The following RASSF8 variants were observed in gnomAD, a reference collection of about 807,000 sequenced individuals.
The protein encoded by RASSF8 is ras association domain-containing protein 8.
Under a neutral mutation model 48.5 loss-of-function variants are expected in RASSF8, and 22 were observed. The observed-to-expected ratio is 0.45, with a 90% CI of 0.32 to 0.65. The LOEUF (loss-of-function observed/expected upper bound fraction) is 0.65, where lower values mean the gene tolerates loss of function less well. RASSF8 is among the 30% of genes least tolerant of loss of function. RASSF8 has a pLI of 0.03. For synonymous variants in RASSF8, 127 were observed against 171.5 expected (o/e 0.74, Z 2.03); for missense variants, 418 against 489.2 (o/e 0.85, Z 1.37).
intron 1 of RASSF8, among the ~76,000 whole-genome samples, chr12:25,984,840 A>G (rs1229983947): frequency 2.0e-5 from 3 of 152,212 alleles, no homozygotes; most frequent in Non-Finnish European, 4.4e-5. Context: ...TTGCCTGTTC[A>G]ACATTTAGTA....
chr12:25,961,091 GACTT>G (rs1941222749), intron 1 of RASSF8, among the ~76,000 whole-genome samples: 1 of 152,124 alleles, frequency 6.6e-6, no homozygotes, highest in Non-Finnish European at 1.5e-5. Context: ...TATACGTGGT[GACTT>G]ACGTCAGTTT....
chr12:26,025,470 G>A (rs1942887917), intron 2 of RASSF8, among the ~76,000 whole-genome samples: 1 of 151,604 alleles, frequency 6.6e-6, no homozygotes, highest in South Asian at 2.1e-4. Context: ...GCTGAGGCAG[G>A]AGAATGGCGT....
At chr12:26,044,922 A>G (rs1943341129) in intron 2 of RASSF8, among the ~76,000 whole-genome samples, 1 of 152,208 alleles carries the variant, frequency 6.6e-6, no homozygotes. Flanking sequence ...GAACAAAAGC[A>G]TTATTTGTTT....
At chr12:26,007,503 G>A (rs1050140948) in intron 2 of RASSF8, among the ~76,000 whole-genome samples, 2 of 152,206 alleles carry the variant, frequency 1.3e-5, no homozygotes, top group African/African-American at 2.4e-5. Flanking sequence ...TGAAGAAGGT[G>A]CCTGGGAGCA....
chr12:26,027,300 C>T (rs1942935692), intron 2 of RASSF8, among the ~76,000 whole-genome samples: 3 of 152,154 alleles, frequency 2.0e-5, no homozygotes, highest in African/African-American at 7.2e-5. Context: ...TATATTTAAA[C>T]TATCAAGCTG....
intron 2 of RASSF8, among the ~76,000 whole-genome samples, chr12:26,019,265 A>G (rs1158275090): frequency 1.3e-5 from 2 of 152,234 alleles, no homozygotes; most frequent in South Asian, 2.1e-4. Flanking sequence ...CTGTTTTTAA[A>G]GACCATATGA....
chr12:26,011,368 A>T (rs889087177), intron 2 of RASSF8, among the ~76,000 whole-genome samples: 2 of 152,168 alleles, frequency 1.3e-5, no homozygotes, highest in African/African-American at 4.8e-5. Context: ...GATTAGCCAG[A>T]TGCTTCCCAG....
intron 4 of RASSF8, 47 bp downstream of exon 4, chr12:26,065,434 ATCT>A (rs761796851): frequency 2.4e-5 from 36 of 1,507,672 alleles, no homozygotes; most frequent in Non-Finnish European, 8.9e-7. Context: ...GTAAAATAGT[ATCT>A]TCTTGGAATC....
intron 1 of RASSF8, among the ~76,000 whole-genome samples, chr12:25,985,572 G>A (rs1941853493): frequency 6.6e-6 from 1 of 152,248 alleles, no homozygotes; most frequent in South Asian, 2.1e-4. Context: ...ATTACTTGAG[G>A]TAAATGAGTA....
chr12:26,019,595 GTGTGTGTGTC>G lies in RASSF8; in HGVS notation c.-109+24483_-109+24492del, dbSNP rs1348452292. On this transcript the variant is annotated intron_variant, in intron 2 of 5. Transcript: ENST00000689635. ...TGTGTGTGTGTGTGTGTGTGTGTGT[GTGTGTGTGTC>G]TGTGTGTGTCTGTGTGTATAACTAA... is the stretch of plus-strand genomic sequence containing the variant. 6.9e-3 allele frequency among the ~76,000 whole-genome samples: 699 copies of G among 100,924 alleles called. 7 individuals are homozygous for G. The highest frequency in any genetic ancestry group is 0.024 in the African/African-American group (618 of 25,342). 66.2% of individuals were successfully genotyped at this position (100,924 alleles called of 152,430 possible).
intron 2 of RASSF8, among the ~76,000 whole-genome samples, chr12:26,025,849 C>T (rs1415617253): frequency 6.6e-6 from 1 of 151,644 alleles, no homozygotes; most frequent in Non-Finnish European, 1.5e-5. Flanking sequence ...AAAAGTTATA[C>T]ACTGAAAACT....
chr12:26,044,593 G>A (rs1047214122), intron 2 of RASSF8, among the ~76,000 whole-genome samples: 1 of 152,082 alleles, frequency 6.6e-6, no homozygotes, highest in Non-Finnish European at 1.5e-5. Flanking sequence ...TACACCTGGT[G>A]ATGTACTTTC....
At chr12:25,988,902 A>G (rs1941950603) in intron 1 of RASSF8, among the ~76,000 whole-genome samples, 1 of 152,218 alleles carries the variant, frequency 6.6e-6, no homozygotes, top group Non-Finnish European at 1.5e-5. Context: ...AGGATGGTTC[A>G]CAACATCTGT....
At chr12:26,030,856 T>C (rs1943015811) in intron 2 of RASSF8, among the ~76,000 whole-genome samples, 1 of 152,232 alleles carries the variant, frequency 6.6e-6, no homozygotes, top group African/African-American at 2.4e-5. Flanking sequence ...ATATGGTCCC[T>C]GTTGTTACTA....
intron 2 of RASSF8, among the ~76,000 whole-genome samples, chr12:26,034,040 G>C (rs1049892120): frequency 4.6e-5 from 7 of 152,124 alleles, no homozygotes; most frequent in Non-Finnish European, 1.0e-4. Context: ...AGCTAGCAGG[G>C]AGGTGGTGGT....
chr12:26,065,757 C>T (rs1240003666), intron 4 of RASSF8, among the ~76,000 whole-genome samples: 1 of 152,174 alleles, frequency 6.6e-6, no homozygotes, highest in Non-Finnish European at 1.5e-5. Context: ...GCTTATCTGT[C>T]ACTTCTCCAT....
At chr12:26,066,312 A>G (rs144321174) in intron 4 of RASSF8, among the ~76,000 whole-genome samples, 2,262 of 152,234 alleles carry the variant, frequency 0.015, 54 homozygotes, top group African/African-American at 0.052. Flanking sequence ...GAAATTCAGA[A>G]TCTACATTGA....
intron 1 of RASSF8, among the ~76,000 whole-genome samples, chr12:25,968,716 G>C (rs1246815856): frequency 6.6e-6 from 1 of 152,216 alleles, no homozygotes; most frequent in Admixed American, 6.5e-5. Context: ...ATATAGCAGA[G>C]AGTAAAACAC....
At chr12:26,048,955 A>G (rs979168366) in intron 2 of RASSF8, among the ~76,000 whole-genome samples, 1 of 151,942 alleles carries the variant, frequency 6.6e-6, no homozygotes, top group Non-Finnish European at 1.5e-5. Flanking sequence ...ACGGGGTTTC[A>G]CCATATTGGC....
Sources: gnomAD v4.1 joint callset for allele counts (sites outside exome capture counted in the v4.1 genomes callset) on GRCh38, gnomAD v4.1.1 for gene constraint, MANE v1.5 for transcripts, NCBI Gene and HGNC (gene_info 2026-07-23, HGNC 2026-07-21) for gene names.